The following ADCY2 variants were observed in gnomAD, a reference collection of about 807,000 sequenced individuals.
ADCY2 encodes adenylate cyclase type 2.
ADCY2 carries 31 observed loss-of-function variants against 125.2 expected under a neutral mutation model. The observed-to-expected ratio is 0.25, with a 90% CI of 0.19 to 0.33. The LOEUF (loss-of-function observed/expected upper bound fraction) is 0.33, where lower values mean the gene tolerates loss of function less well. Ranked by LOEUF, ADCY2 falls within the 10% of genes least tolerant of loss-of-function variation. The pLI, the probability that ADCY2 is intolerant of heterozygous loss-of-function variation, is 1.00. For synonymous variants in ADCY2, 512 were observed against 548.4 expected (o/e 0.93, Z 0.93); for missense variants, 904 against 1,418.2 (o/e 0.64, Z 5.82).
intron 1 of ADCY2, among the ~76,000 whole-genome samples, chr5:7,413,706 A>G (rs970171727): frequency 6.6e-6 from 1 of 152,132 alleles, no homozygotes; most frequent in Non-Finnish European, 1.5e-5. Context: ...AACGCTGTCC[A>G]TAGCAAGCTT....
chr5:7,603,548 G>A (rs1345760984), intron 3 of ADCY2, among the ~76,000 whole-genome samples: 2 of 152,202 alleles, frequency 1.3e-5, no homozygotes, highest in Non-Finnish European at 2.9e-5. Context: ...ATGTGGTGGT[G>A]TAACCACCTC....
intron 3 of ADCY2, among the ~76,000 whole-genome samples, chr5:7,551,089 A>C (rs374409906): frequency 8.1e-5 from 12 of 148,790 alleles, no homozygotes; most frequent in African/African-American, 2.3e-4. Flanking sequence ...CACATACCAA[A>C]AATTGAAAAT....
chr5:7,664,416 A>G (rs1305498163), intron 4 of ADCY2, among the ~76,000 whole-genome samples: 2 of 152,196 alleles, frequency 1.3e-5, no homozygotes, highest in African/African-American at 4.8e-5. Context: ...CCCTTCAGGA[A>G]TGGAAAGGAG....
At chr5:7,442,847 T>TG (rs201378941) in intron 2 of ADCY2, among the ~76,000 whole-genome samples, 1,638 of 152,308 alleles carry the variant, frequency 0.011, 39 homozygotes, top group African/African-American at 0.038. Context: ...TTAATTTTTC[T>TG]GGGGGGAGTT....
chr5:7,546,961 C>T (rs1009667660), intron 3 of ADCY2, among the ~76,000 whole-genome samples: 2 of 152,186 alleles, frequency 1.3e-5, no homozygotes, highest in East Asian at 3.9e-4. Flanking sequence ...CCATAAACAA[C>T]TTTACATCAT....
chr5:7,432,594 G>T (rs541320987), intron 2 of ADCY2, among the ~76,000 whole-genome samples: 1 of 152,238 alleles, frequency 6.6e-6, no homozygotes, highest in Non-Finnish European at 1.5e-5. Flanking sequence ...TGGCACGGAA[G>T]TAGCTGGCAG....
At chr5:7,688,538 G>A (rs1304382140) in intron 4 of ADCY2, among the ~76,000 whole-genome samples, 4 of 152,048 alleles carry the variant, frequency 2.6e-5, no homozygotes, top group Admixed American at 6.5e-5. Context: ...CAAAGTGCTG[G>A]GACTACAGGT....
At chr5:7,557,455 CA>C (rs1735561961) in intron 3 of ADCY2, among the ~76,000 whole-genome samples, 1 of 151,938 alleles carries the variant, frequency 6.6e-6, no homozygotes, top group African/African-American at 2.4e-5. Flanking sequence ...TTTTGTTGTA[CA>C]GATTATTTCA....
chr5:7,764,310 C>A (rs1050110758), intron 16 of ADCY2, among the ~76,000 whole-genome samples: 1 of 152,170 alleles, frequency 6.6e-6, no homozygotes, highest in African/African-American at 2.4e-5. Flanking sequence ...CATTTTATTC[C>A]TGACATTTTG....
intron 2 of ADCY2, among the ~76,000 whole-genome samples, chr5:7,509,272 A>G (rs1043972978): frequency 6.6e-6 from 1 of 152,212 alleles, no homozygotes; most frequent in African/African-American, 2.4e-5. Context: ...GGAAGATGAC[A>G]CATATGGTAT....
chr5:7,553,379 G>A (rs1265801849), intron 3 of ADCY2, among the ~76,000 whole-genome samples: 3 of 152,216 alleles, frequency 2.0e-5, no homozygotes, highest in Non-Finnish European at 4.4e-5. Context: ...CCCTGTGGAA[G>A]GCCCTTCCGG....
chr5:7,775,717 G>A (rs1403830523), intron 18 of ADCY2, among the ~76,000 whole-genome samples: 1 of 152,180 alleles, frequency 6.6e-6, no homozygotes, highest in Non-Finnish European at 1.5e-5. Context: ...GTACAATTAA[G>A]TTATTATTGA....
chr5:7,529,217 C>A (rs962330121), intron 3 of ADCY2, among the ~76,000 whole-genome samples: 1 of 136,604 alleles, frequency 7.3e-6, no homozygotes, highest in Non-Finnish European at 1.6e-5. Flanking sequence ...ATTATCATGG[C>A]CTCTTCCTAG....
At chr5:7,681,000 A>C (rs1181547187) in intron 4 of ADCY2, among the ~76,000 whole-genome samples, 1 of 152,236 alleles carries the variant, frequency 6.6e-6, no homozygotes, top group Non-Finnish European at 1.5e-5. Context: ...TATGTGTAGA[A>C]AATTGATAGC....
intron 22 of ADCY2, among the ~76,000 whole-genome samples, chr5:7,808,453 C>G (rs1394497032): frequency 6.6e-6 from 1 of 152,154 alleles, no homozygotes; most frequent in Non-Finnish European, 1.5e-5. Context: ...AAATTCTTTC[C>G]CTGACCTTGT....
chr5:7,740,766 T>C (rs918266817), intron 14 of ADCY2, among the ~76,000 whole-genome samples: 2 of 152,108 alleles, frequency 1.3e-5, no homozygotes, highest in Non-Finnish European at 2.9e-5. Context: ...AAAAGAGTTA[T>C]AATGAGTAGC....
chr5:7,735,518 A>T (rs1742222782), intron 14 of ADCY2, among the ~76,000 whole-genome samples: 1 of 152,064 alleles, frequency 6.6e-6, no homozygotes, highest in Non-Finnish European at 1.5e-5. Context: ...TAGTTTGTTG[A>T]GTTTTTTCAT....
chr5:7,398,045 T>C (rs1254255694), intron 1 of ADCY2, among the ~76,000 whole-genome samples: 1 of 152,236 alleles, frequency 6.6e-6, no homozygotes, highest in Non-Finnish European at 1.5e-5. Flanking sequence ...TATTATTTTT[T>C]ACTTGCCAGG....
chr5:7,572,309 A>T lies in ADCY2; in HGVS notation c.570+51410A>T, dbSNP rs114939392. Among the ~76,000 whole-genome samples the T allele has an allele frequency of 3.1e-3, 471 of 152,256 alleles. 3 individuals carry two copies. The highest frequency in any genetic ancestry group is 0.011 in the African/African-American group (456 of 41,562). On this transcript the variant is annotated intron_variant, in intron 3 of 24. Coordinates refer to ENST00000338316, the MANE Select transcript of ADCY2 (RefSeq NM_020546.3). ...TCTTTTTCTCCACAAACTTGCCAGC[A>T]TCTGTTACTCTTTTGACTTTTTAAT...
Sources: allele counts gnomAD v4.1 joint callset (sites outside exome capture counted in the v4.1 genomes callset), GRCh38; gene constraint gnomAD v4.1.1; transcripts MANE v1.5; gene names NCBI Gene and HGNC (gene_info 2026-07-23, HGNC 2026-07-21).